DAB1: variants seen among roughly 807,000 people sequenced by gnomAD.
DAB1 encodes DAB adaptor protein 1, also known as disabled homolog 1.
A neutral mutation model predicts 64.6 loss-of-function variants in DAB1; 15 were observed. The observed-to-expected ratio is 0.23, with a 90% CI of 0.16 to 0.36. The LOEUF is 0.36. DAB1 is among the 10% of genes least tolerant of loss of function. The pLI is 1.00. For missense variants in DAB1, 596 were observed against 706.7 expected, an observed-to-expected ratio of 0.84 and a Z score of 1.78; for synonymous variants, 235 against 251.9, an observed-to-expected ratio of 0.93 and a Z score of 0.64.
rs990325808 is a variant in DAB1 at position 57,453,467 on chromosome 1, A to G, written n.626-162301T>C. ...AAAGGAGCCCCATACTGTTTTACTG[A>G]AACTTGTTCTTCAGTATATTATCAG... On this transcript the variant is annotated intron_variant and non_coding_transcript_variant, in intron 7 of 20. Coordinates refer to the DAB1 transcript ENST00000485760. Among the ~76,000 whole-genome samples, 3 of 152,140 alleles carry G rather than the reference A, an allele frequency of 2.0e-5. No individual in the cohort carries two copies. In the South Asian group the frequency reaches 6.2e-4, roughly 31 times the overall value.
chr1:57,466,668 G>A (rs1466200948), intron 7 of DAB1, among the ~76,000 whole-genome samples: 4 of 152,138 alleles, frequency 2.6e-5, no homozygotes, highest in Non-Finnish European at 4.4e-5. Context: ...AGATGTTGAC[G>A]GGGCTGGGCT....
chr1:57,744,118 GT>G (rs1311435214), intron 6 of DAB1, among the ~76,000 whole-genome samples: 2 of 152,204 alleles, frequency 1.3e-5, no homozygotes, highest in Non-Finnish European at 2.9e-5. Context: ...TTTATGGCCA[GT>G]TTTGGGGCCA....
intron 6 of DAB1, among the ~76,000 whole-genome samples, chr1:57,743,405 T>C (rs1648096904): frequency 6.6e-6 from 1 of 152,198 alleles, no homozygotes; most frequent in South Asian, 2.1e-4. Flanking sequence ...GCTCTTAACT[T>C]CACCACCTAT....
At chr1:58,357,710 G>A (rs545455307) in intron 3 of DAB1, among the ~76,000 whole-genome samples, 59 of 152,222 alleles carry the variant, frequency 3.9e-4, no homozygotes, top group Non-Finnish European at 7.8e-4. Context: ...GGTAGAGCCT[G>A]ATAATGTGCA....
intron 3 of DAB1, among the ~76,000 whole-genome samples, chr1:58,451,149 A>G (rs1645131572): frequency 6.6e-6 from 1 of 152,184 alleles, no homozygotes; most frequent in Non-Finnish European, 1.5e-5. Context: ...GAATGCCATG[A>G]TGCAATCACG....
At chr1:57,576,098 C>T (rs1371406826) in intron 7 of DAB1, among the ~76,000 whole-genome samples, 4 of 152,088 alleles carry the variant, frequency 2.6e-5, no homozygotes, top group Non-Finnish European at 5.9e-5. Flanking sequence ...CAGTAGAAAT[C>T]GTACTTCACA....
At chr1:58,097,494 T>C (rs761876616) in intron 5 of DAB1, among the ~76,000 whole-genome samples, 76 of 151,900 alleles carry the variant, frequency 5.0e-4, no homozygotes, top group South Asian at 2.3e-3. Context: ...CTGATCCTCA[T>C]TGGGAACGGG....
chr1:57,047,293 T>G (rs1648627248), intron 9 of DAB1, among the ~76,000 whole-genome samples: 1 of 152,180 alleles, frequency 6.6e-6, no homozygotes, highest in Non-Finnish European at 1.5e-5. Context: ...TAGTTACAAT[T>G]GCTTGTTATC....
intron 6 of DAB1, among the ~76,000 whole-genome samples, chr1:57,703,632 T>C (rs1295191211): frequency 1.3e-5 from 2 of 152,184 alleles, no homozygotes; most frequent in Non-Finnish European, 2.9e-5. Context: ...GTGTGGTGAT[T>C]CCTCAAAGAC....
chr1:57,198,395 T>C (rs1664804266), intron 2 of DAB1, among the ~76,000 whole-genome samples: 1 of 152,090 alleles, frequency 6.6e-6, no homozygotes. Flanking sequence ...TCTCAAAATC[T>C]TCCTACAATA....
chr1:57,205,745 T>G, intron 2 of DAB1, among the ~76,000 whole-genome samples: 1 of 152,226 alleles, frequency 6.6e-6, no homozygotes, highest in East Asian at 1.9e-4. Flanking sequence ...GACCTGAGAC[T>G]GTCAGATCTC....
At chr1:57,080,279 T>A (rs894492114) in intron 4 of DAB1, among the ~76,000 whole-genome samples, 1 of 152,180 alleles carries the variant, frequency 6.6e-6, no homozygotes, top group African/African-American at 2.4e-5. Flanking sequence ...TATAAATTTG[T>A]CAGTAAACAT....
chr1:58,007,249 TA>T (rs557511274), intron 5 of DAB1, among the ~76,000 whole-genome samples: 30 of 149,942 alleles, frequency 2.0e-4, no homozygotes, highest in Admixed American at 5.3e-4. Flanking sequence ...ATGATAACAT[TA>T]AAAAAAAAAT....
intron 6 of DAB1, among the ~76,000 whole-genome samples, chr1:57,808,979 G>A (rs977485337): frequency 2.0e-5 from 3 of 152,294 alleles, no homozygotes; most frequent in South Asian, 2.1e-4. Flanking sequence ...AAGGACAGAC[G>A]CTGCTTCACA....
chr1:58,375,801 C>T (rs1644318641), intron 3 of DAB1, among the ~76,000 whole-genome samples: 2 of 145,954 alleles, frequency 1.4e-5, no homozygotes, highest in Admixed American at 6.8e-5. Flanking sequence ...AGCTGTGAAT[C>T]CATCTGGTCC....
intron 2 of DAB1, among the ~76,000 whole-genome samples, chr1:57,170,000 CTT>C (rs57228221): frequency 0.27 from 39,035 of 142,562 alleles, 8,295 homozygotes; most frequent in African/African-American, 0.6. Context: ...TTCTTTCTTT[CTT>C]TTTTTTTTTT....
intron 5 of DAB1, among the ~76,000 whole-genome samples, chr1:57,971,574 C>T (rs1342556819): frequency 6.6e-6 from 1 of 152,158 alleles, no homozygotes; most frequent in African/African-American, 2.4e-5. Flanking sequence ...ATCTGTAAGA[C>T]AGGAATGATA....
Position 58,518,349 on chromosome 1 carries a change from A to AGAAGGGAAGG in DAB1, n.107+8902_107+8911dup, listed in dbSNP as rs757786615. On this transcript the variant is annotated intron_variant and non_coding_transcript_variant, in intron 2 of 20. Transcript: ENST00000485760. ...AGAAGAGAAGAGAAGAGAAGAGAAG[A>AGAAGGGAAGG]GAAGGGAAGGGAAGAGAAGAGAAGG... Among the ~76,000 whole-genome samples the AGAAGGGAAGG allele has an allele frequency of 2.3e-3, 138 of 59,728 alleles. 6 individuals are homozygous for AGAAGGGAAGG. The highest frequency in any genetic ancestry group is 8.4e-3 in the African/African-American group (129 of 15,404). The allele number at this position is 59,728 out of a possible 152,430, so 39.2% of individuals were successfully genotyped here.
At chr1:57,928,933 CA>C (rs2102033786) in intron 5 of DAB1, among the ~76,000 whole-genome samples, 1 of 152,278 alleles carries the variant, frequency 6.6e-6, no homozygotes, top group South Asian at 2.1e-4. Flanking sequence ...TGTGTGTTTT[CA>C]ACTCATTTGA....
Sources: allele counts gnomAD v4.1 joint callset (sites outside exome capture counted in the v4.1 genomes callset), GRCh38; gene constraint gnomAD v4.1.1; transcripts MANE v1.5; gene names NCBI Gene and HGNC (gene_info 2026-07-23, HGNC 2026-07-21).